The following PCDH9 variants were observed in gnomAD, a reference collection of about 807,000 sequenced individuals.
PCDH9 encodes protocadherin-9.
In PCDH9, 24 loss-of-function variants were observed where a neutral mutation model predicts 70.6. The ratio of observed to expected loss-of-function variants is 0.34; its 90% CI spans 0.25 to 0.48. The LOEUF (loss-of-function observed/expected upper bound fraction) is 0.48. Ranked by LOEUF, PCDH9 falls within the 20% of genes least tolerant of loss-of-function variation. PCDH9 has a pLI of 0.99. For synonymous variants in PCDH9, 562 were observed against 558.5 expected (o/e 1.01, Z -0.09); for missense variants, 1,281 against 1,503.6 (o/e 0.85, Z 2.45).
chr13:67,073,530 A>T (rs1181492569), intron 2 of PCDH9, among the ~76,000 whole-genome samples: 1 of 152,102 alleles, frequency 6.6e-6, no homozygotes, highest in Non-Finnish European at 1.5e-5. Flanking sequence ...ATTTGCTCAC[A>T]TCCTAAACCT....
chr13:66,712,183 T>C (rs2209025), intron 3 of PCDH9, among the ~76,000 whole-genome samples: 78,172 of 151,962 alleles, frequency 0.51, 20,217 homozygotes, highest in Middle Eastern at 0.56. Flanking sequence ...CCCTTGCATA[T>C]TTTAGGATTT....
Position 66,912,188 on chromosome 13 carries a change from T to C in PCDH9, c.3037-8583A>G, listed in dbSNP as rs117521453. 3.3e-5 allele frequency among the ~76,000 whole-genome samples: 5 copies of C among 152,262 alleles called. No homozygotes were observed. In the East Asian group the frequency reaches 9.6e-4, roughly 29 times the overall value. ...AAGGGTGAACATTTCCAGATTAAAT[T>C]GAAAGACTTCAGAGATGGAAAAATA... On this transcript the variant is annotated intron_variant, in intron 2 of 4. Transcript: ENST00000377865.
At chr13:67,163,830 A>G (rs2987333) in intron 2 of PCDH9, among the ~76,000 whole-genome samples, 5,562 of 152,296 alleles carry the variant, frequency 0.037, 337 homozygotes, top group African/African-American at 0.13. Flanking sequence ...ACTAACTGTC[A>G]ATAAATGTAA....
In PCDH9 at chr13:66,668,937, A is replaced by G. The variant is rs532078524; in HGVS notation, c.3139-37526T>C. ...TTAATAATTTCTACTCCACTGCTTT[A>G]GAATAACTAATTTGATAGACCTAGA... is the stretch of plus-strand genomic sequence containing the variant. On this transcript the variant is annotated intron_variant, in intron 3 of 4. Coordinates refer to ENST00000377865, the MANE Select transcript of PCDH9 (RefSeq NM_203487.3). 1.6e-4 allele frequency among the ~76,000 whole-genome samples: 25 copies of G among 152,288 alleles called. No individual in the cohort carries two copies. The South Asian group carries it at 2.1e-3, about 13-fold the overall frequency.
intron 4 of PCDH9, among the ~76,000 whole-genome samples, chr13:66,613,177 A>C (rs1476593560): frequency 6.6e-6 from 1 of 152,008 alleles, no homozygotes; most frequent in Non-Finnish European, 1.5e-5. Flanking sequence ...CAGGCCTGGG[A>C]TGCTTGGTCG....
chr13:66,981,331 A>T (rs971067756), intron 2 of PCDH9, among the ~76,000 whole-genome samples: 11 of 151,480 alleles, frequency 7.3e-5, no homozygotes, highest in Admixed American at 1.3e-4. Flanking sequence ...CCAGCTACTC[A>T]GGAGGCTGAG....
At chr13:66,899,672 T>C (rs1455736019) in intron 3 of PCDH9, among the ~76,000 whole-genome samples, 2 of 151,864 alleles carry the variant, frequency 1.3e-5, no homozygotes, top group East Asian at 3.8e-4. Context: ...GGGAATGAAA[T>C]ATAATAGAAA....
At chr13:66,438,487 C>T (rs1435473168) in intron 4 of PCDH9, among the ~76,000 whole-genome samples, 1 of 152,140 alleles carries the variant, frequency 6.6e-6, no homozygotes, top group Non-Finnish European at 1.5e-5. Flanking sequence ...ATTTGAATCA[C>T]ATTTCTAGGG....
intron 3 of PCDH9, among the ~76,000 whole-genome samples, chr13:66,771,338 C>A (rs1343844422): frequency 6.6e-6 from 1 of 152,202 alleles, no homozygotes; most frequent in African/African-American, 2.4e-5. Flanking sequence ...CTCCATTCCT[C>A]CCTTCAGCCC....
chr13:66,754,180 A>C lies in PCDH9; in HGVS notation c.3139-122769T>G, dbSNP rs141909529. On this transcript the variant is annotated intron_variant, in intron 3 of 4. Transcript: ENST00000377865. Reference sequence around the variant, plus strand: ...AAAATGGGAGTTGAACAATGAGAACACATAGGCACAGGGAGGGGAACATCA... The same window carrying C: ...AAAATGGGAGTTGAACAATGAGAACCCATAGGCACAGGGAGGGGAACATCA... Among the ~76,000 whole-genome samples the C allele has an allele frequency of 4.1e-3, 620 of 152,202 alleles. 1 individual carries two copies. The highest frequency in any genetic ancestry group is 5.9e-3 in the Non-Finnish European group (398 of 68,012).
intron 2 of PCDH9, among the ~76,000 whole-genome samples, chr13:67,040,615 C>T (rs9540979): frequency 0.2 from 30,980 of 152,034 alleles, 3,373 homozygotes; most frequent in Non-Finnish European, 0.22. Context: ...AAATAAATTT[C>T]TGTCGCTTAT....
intron 4 of PCDH9, among the ~76,000 whole-genome samples, chr13:66,322,710 A>T (rs542956411): frequency 8.1e-4 from 123 of 152,166 alleles, no homozygotes; most frequent in African/African-American, 2.8e-3. Flanking sequence ...ATATACTCTA[A>T]GAATCAATGA....
chr13:66,700,081 T>A (rs2078617482), intron 3 of PCDH9, among the ~76,000 whole-genome samples: 1 of 152,172 alleles, frequency 6.6e-6, no homozygotes, highest in African/African-American at 2.4e-5. Flanking sequence ...TCCAGTGTTG[T>A]TAGGGCCCTT....
chr13:66,722,012 T>C (rs1012847672), intron 3 of PCDH9, among the ~76,000 whole-genome samples: 1 of 152,198 alleles, frequency 6.6e-6, no homozygotes, highest in Admixed American at 6.5e-5. Context: ...TGTTTCATCC[T>C]CTTGGGTATC....
chr13:66,515,613 A>C (rs1959694350), intron 4 of PCDH9, among the ~76,000 whole-genome samples: 1 of 151,954 alleles, frequency 6.6e-6, no homozygotes, highest in African/African-American at 2.4e-5. Flanking sequence ...GTAAAATGTT[A>C]ATATCTGCTA....
intron 2 of PCDH9, among the ~76,000 whole-genome samples, chr13:67,026,602 T>A (rs965788952): frequency 2.0e-4 from 31 of 151,548 alleles, no homozygotes; most frequent in African/African-American, 2.9e-4. Flanking sequence ...GGTATTCAAT[T>A]AGGAAAAGAG....
At chr13:66,745,071 A>T (rs1445582091) in intron 3 of PCDH9, among the ~76,000 whole-genome samples, 1 of 152,174 alleles carries the variant, frequency 6.6e-6, no homozygotes, top group Non-Finnish European at 1.5e-5. Flanking sequence ...TGTGAGCCTC[A>T]GTTTTCTCAT....
intron 2 of PCDH9, among the ~76,000 whole-genome samples, chr13:67,157,874 A>C (rs1248789312): frequency 1.3e-5 from 2 of 152,190 alleles, no homozygotes; most frequent in Non-Finnish European, 2.9e-5. Context: ...CTTCATTGCC[A>C]GCATAATTCT....
chr13:66,409,267 G>A (rs1284828097), intron 4 of PCDH9, among the ~76,000 whole-genome samples: 1 of 152,100 alleles, frequency 6.6e-6, no homozygotes, highest in East Asian at 1.9e-4. Flanking sequence ...TTAACATTAT[G>A]TTCCCTTACT....
Sources: allele counts gnomAD v4.1 joint callset (sites outside exome capture counted in the v4.1 genomes callset), GRCh38; gene constraint gnomAD v4.1.1; transcripts MANE v1.5; gene names NCBI Gene and HGNC (gene_info 2026-07-23, HGNC 2026-07-21).